Variants in TCP1 observed in about 807,000 individuals in gnomAD.
TCP1 encodes T-complex protein 1 subunit alpha.
Under a neutral mutation model 54.7 loss-of-function variants are expected in TCP1, and 6 were observed. The ratio of observed to expected loss-of-function variants is 0.11; its 90% CI spans 0.06 to 0.22. The LOEUF (loss-of-function observed/expected upper bound fraction) is 0.22. Among genes scored for constraint, TCP1 ranks in the 10% least tolerant of loss-of-function variants. The pLI, the probability that TCP1 is intolerant of heterozygous loss-of-function variation, is 1.00. For synonymous variants in TCP1, 225 were observed against 229.7 expected, an observed-to-expected ratio of 0.98 and a Z score of 0.19; for missense variants, 511 against 678.2, an observed-to-expected ratio of 0.75 and a Z score of 2.74.
At chr6:159,785,849 G>T in intron 4 of TCP1, 51 bp downstream of exon 4, 1 of 1,396,622 alleles carries the variant, frequency 7.2e-7, no homozygotes, top group Non-Finnish European at 1.0e-6. Context: ...AGACAACACA[G>T]TTTACAACTA....
intron 3 of TCP1, among the ~76,000 whole-genome samples, chr6:159,787,081 A>AG (rs1279784737): frequency 6.0e-5 from 9 of 151,184 alleles, no homozygotes; most frequent in South Asian, 4.2e-4. Context: ...TGTCTCTTAA[A>AG]AAAAAAAAAA....
rs1278346096 is a variant in TCP1 at position 159,785,514 on chromosome 6, G to A, written c.378-18C>T. 1.3e-6 allele frequency: 2 copies of A among 1,572,358 alleles called. No individual in the cohort carries two copies. Among genetic ancestry groups the A allele is most frequent in the Non-Finnish European group, 8.7e-7 (1 of 1,143,526 alleles). On this transcript the variant is annotated intron_variant, in intron 4 of 11. Coordinates refer to ENST00000321394, the MANE Select transcript of TCP1 (RefSeq NM_030752.3). ...CTGCTTCCCTGTTTAAAAGTGTGGG[G>A]GAGAAAAACGCTTATAAAGTCACTA...
intron 5 of TCP1, 60 bp downstream of exon 5, chr6:159,785,326 C>A: frequency 7.9e-7 from 1 of 1,266,124 alleles, no homozygotes; most frequent in Non-Finnish European, 1.1e-6. Flanking sequence ...TACCACCATG[C>A]CCATCTCAAA....
At chr6:159,785,036 T>TA in intron 5 of TCP1, 189 bp from the exon 6 acceptor site, 1 of 655,530 alleles carries the variant, frequency 1.5e-6, no homozygotes, top group South Asian at 1.8e-5. Flanking sequence ...ACATGCTTTT[T>TA]ATTACCTTTT....
chr6:159,785,639 C>T (rs1224807592), intron 4 of TCP1, 143 bp from the exon 5 acceptor site: 1 of 820,238 alleles, frequency 1.2e-6, no homozygotes, highest in Non-Finnish European at 2.1e-6. Flanking sequence ...CATGAAAAAA[C>T]CCTCCCTCTT....
chr6:159,778,764 C>A lies in TCP1; in HGVS notation c.*281G>T. On this transcript the variant is annotated 3_prime_UTR_variant, in exon 12 of 12. Transcript: ENST00000321394. ...CACACTGGAGAGAATGGGCAGAAGT[C>A]GTGGTGTTGCAGCCCTGTGCATTGG... is the stretch of plus-strand genomic sequence containing the variant. The A allele has an allele frequency of 6.2e-7, 1 of 1,614,164 alleles. No individual in the cohort carries two copies. Among genetic ancestry groups the A allele is most frequent in the Non-Finnish European group, 8.5e-7 (1 of 1,180,014 alleles).
At position 159,785,415 on chromosome 6, in the gene TCP1, C is replaced by T. The variant is rs750638989; in HGVS notation, c.459G>A (p.Lys153=). ...LGRDCLINAA[K]TSMSSKIIGI... ...CAATGATTTTGGAAGACATGGATGT[C>T]TTAGCAGCATTAATCAGGCAATCTC... Residue 153 remains lysine (K), a synonymous_variant, in exon 5 of 12, where the codon AAG becomes AAA. Coordinates refer to ENST00000321394, the MANE Select transcript of TCP1 (RefSeq NM_030752.3). 6.2e-7 allele frequency: 1 copy of T among 1,612,894 alleles called. No individual in the cohort carries two copies. Among genetic ancestry groups the T allele is most frequent in the Admixed American group, 1.7e-5 (1 of 60,028 alleles).
chr6:159,780,020 C>T lies in TCP1; in HGVS notation c.1165G>A (p.Glu389Lys), dbSNP rs1562482006. ...CAAAGTGCATCATGTAAAGAGCGCT[C>T]CATCTCATCACACATGAAATCATTT... is the stretch of plus-strand genomic sequence containing the variant. ...GANDFMCDEM[E>K]RSLHDALCVV... Residue 389 changes from glutamate (E) to lysine (K), a missense_variant, in exon 10 of 12, where the codon GAG becomes AAG. Glu to Lys is a moderately conservative substitution (Grantham distance 56, BLOSUM62 1). Around this residue, in one of 5 missense-constraint regions of TCP1, gnomAD observed 305 missense variants for 352.8 expected, o/e 0.86. Coordinates refer to ENST00000321394, the MANE Select transcript of TCP1 (RefSeq NM_030752.3). The T allele has an allele frequency of 6.2e-7, 1 of 1,614,128 alleles. No homozygotes were observed. The highest frequency in any genetic ancestry group is 2.2e-5 in the East Asian group (1 of 44,884).
At chr6:159,785,288 C>T (rs1780667739) in intron 5 of TCP1, 98 bp downstream of exon 5, 4 of 913,010 alleles carry the variant, frequency 4.4e-6, no homozygotes, top group Non-Finnish European at 7.0e-6. Context: ...CTACCTCAGC[C>T]TCCTTAGTAG....
Position 159,779,252 on chromosome 6 carries a change from A to G in TCP1, c.1464T>C (p.Leu488=). 1 of 1,613,578 alleles carries G rather than the reference A, an allele frequency of 6.2e-7. No homozygotes were observed. Among genetic ancestry groups the G allele is most frequent in the Non-Finnish European group, 8.5e-7 (1 of 1,179,620 alleles). Residue 488 remains leucine (L), a synonymous_variant, in exon 12 of 12, where the codon CTT becomes CTC. Coordinates refer to ENST00000321394, the MANE Select transcript of TCP1 (RefSeq NM_030752.3). ...CTCGAGGTTTACCATTGCTCAAATC[A>G]AGACCAATCCTGCAATTAAGAAAGA... ...PERKNLKWIG[L]DLSNGKPRDN... is the part of the protein sequence containing the mutation.
Position 159,779,000 on chromosome 6 carries a change from A to G in TCP1, c.*45T>C, listed in dbSNP as rs746294053. Reference sequence around the variant, plus strand: ...ATGTGTAATACTCAACTCAAGGTACAAGACAATTGCATTTAACATTGTTAT... The same window carrying G: ...ATGTGTAATACTCAACTCAAGGTACGAGACAATTGCATTTAACATTGTTAT... On this transcript the variant is annotated 3_prime_UTR_variant, in exon 12 of 12. Transcript: ENST00000321394. 1.9e-6 allele frequency: 3 copies of G among 1,592,996 alleles called. No individual in the cohort carries two copies. Among genetic ancestry groups the G allele is most frequent in the Middle Eastern group, 3.4e-4 (2 of 5,966 alleles).
At position 159,780,440 on chromosome 6, in the gene TCP1, T is replaced by TA; in HGVS notation, c.1097+2dup. The TA allele has an allele frequency of 6.2e-7, 1 of 1,613,574 alleles. No individual in the cohort carries two copies. The highest frequency in any genetic ancestry group is 8.5e-7 in the Non-Finnish European group (1 of 1,179,782). On this transcript the variant is annotated splice_region_variant and intron_variant, in intron 9 of 11. Transcript: ENST00000321394. ...CTTTACAATTTTAGAAAGTGGCTCT[T>TA]ACTTTTTGATTAAGATCAGCTCATC...
rs562137987 is a variant in TCP1, at chr6:159,779,481, T to C, written c.1454+146A>G. The C allele has an allele frequency of 1.3e-5, 15 of 1,186,946 alleles. No individual in the cohort carries two copies. In the Admixed American group the frequency reaches 2.9e-4, roughly 23 times the overall value. The allele number at this position is 1,186,946 out of a possible 1,614,324, so 73.5% of individuals were successfully genotyped here. ...TCATTATCCCTTGAATTACAGTGAC[T>C]GAACAACAAATGCTTGCTGTGAAGT... On this transcript the variant is annotated intron_variant, in intron 11 of 11. Coordinates refer to ENST00000321394, the MANE Select transcript of TCP1 (RefSeq NM_030752.3).
chr6:159,781,147 G>T, intron 7 of TCP1, 37 bp from the exon 8 acceptor site: 3 of 1,479,110 alleles, frequency 2.0e-6, no homozygotes, highest in Non-Finnish European at 2.7e-6. Flanking sequence ...TACCTTCTGT[G>T]ATTTTTAAAA....
Position 159,778,847 on chromosome 6 carries a change from C to G in TCP1, c.*198G>C. ...GAGAATGAATTGCTTAAACTTTGAA[C>G]AACCTCAATTTCTTTTTAAACTAAT... On this transcript the variant is annotated 3_prime_UTR_variant, in exon 12 of 12. Transcript: ENST00000321394. 6.2e-7 allele frequency: 1 copy of G among 1,613,864 alleles called. No homozygotes were observed. Among genetic ancestry groups the G allele is most frequent in the Non-Finnish European group, 8.5e-7 (1 of 1,179,800 alleles).
rs1386002668 is a variant in TCP1 at position 159,779,276 on chromosome 6, G to GA, written c.1455-16dup. 1 of 1,606,438 alleles carries GA rather than the reference G, an allele frequency of 6.2e-7. No homozygotes were observed. ...CAAGACCAATCCTGCAATTAAGAAA[G>GA]AATTATTTAACGGCCGCTTACAATT... On this transcript the variant is annotated splice_polypyrimidine_tract_variant and intron_variant, in intron 11 of 11. Coordinates refer to ENST00000321394, the MANE Select transcript of TCP1 (RefSeq NM_030752.3).
rs758608678 is a variant in TCP1, at chr6:159,779,063, A to G, written c.1653T>C (p.Ser551=). The change falls in exon 12 of 12, where the codon TCT becomes TCC. Residue 551 remains serine, a synonymous_variant. Coordinates refer to ENST00000321394, the MANE Select transcript of TCP1 (RefSeq NM_030752.3). ...CATCAGATCAATCATTAAGGGCTCC[A>G]GAGTGAACAGCATCTTCATAACTTC... ...KHGSYEDAVH[S]GALND The G allele has an allele frequency of 6.2e-7, 1 of 1,614,002 alleles. No homozygotes were observed. Among genetic ancestry groups the G allele is most frequent in the East Asian group, 2.2e-5 (1 of 44,868 alleles).
intron 9 of TCP1, 57 bp downstream of exon 9, chr6:159,780,386 C>G (rs1004350027): frequency 6.2e-6 from 10 of 1,612,216 alleles, no homozygotes; most frequent in Non-Finnish European, 8.5e-6. Context: ...GGGAAGAAAA[C>G]CTACTTTTAC....
intron 7 of TCP1, among the ~76,000 whole-genome samples, chr6:159,782,181 A>G (rs1780592774): frequency 6.6e-6 from 1 of 152,226 alleles, no homozygotes; most frequent in Non-Finnish European, 1.5e-5. Context: ...CACTTACATC[A>G]TGGAAACCAT....
Sources: gnomAD v4.1 joint callset for allele counts (sites outside exome capture counted in the v4.1 genomes callset) on GRCh38, gnomAD v4.1.1 for gene constraint, gnomAD v4.1.1 regional missense constraint, MANE v1.5 for transcripts, NCBI Gene and HGNC (gene_info 2026-07-23, HGNC 2026-07-21) for gene names.